Variants in ARHGAP39 observed in about 807,000 individuals in gnomAD.
The protein encoded by ARHGAP39 is rho GTPase-activating protein 39.
ARHGAP39 carries 44 observed loss-of-function variants against 106.9 expected under a neutral mutation model. The observed-to-expected ratio is 0.41, with a 90% CI of 0.32 to 0.53. The LOEUF (loss-of-function observed/expected upper bound fraction) is 0.53. Ranked by LOEUF, ARHGAP39 falls within the 20% of genes least tolerant of loss-of-function variation. The probability of loss-of-function intolerance (pLI) is 0.21; values close to 1 mark genes in which losing one functional copy is unlikely to be tolerated. For missense variants in ARHGAP39, 1,496 were observed against 1,577.3 expected, an observed-to-expected ratio of 0.95 and a Z score of 0.87; for synonymous variants, 768 against 693.2, an observed-to-expected ratio of 1.11 and a Z score of -1.69.
intron 1 of ARHGAP39, among the ~76,000 whole-genome samples, chr8:144,608,819 A>C (rs1173569397): frequency 2.6e-5 from 4 of 152,234 alleles, no homozygotes; most frequent in Admixed American, 1.3e-4. Context: ...AAGTCACCCT[A>C]AGCATTTCAT....
chr8:144,647,210 G>A lies in ARHGAP39; in HGVS notation c.-82+38476C>T, dbSNP rs972423042. Among the ~76,000 whole-genome samples the A allele has an allele frequency of 1.3e-5, 2 of 151,728 alleles. No individual in the cohort carries two copies. The highest frequency in any genetic ancestry group is 2.9e-5 in the Non-Finnish European group (2 of 67,938). ...TCTTGATCTCTTGACCTCATGATCC[G>A]CGTGCCTCAGCCTCCCAAACTGCTG... is the stretch of plus-strand genomic sequence containing the variant. On this transcript the variant is annotated intron_variant, in intron 1 of 11. Transcript: ENST00000377307. The surrounding 1 kb of genome is among the most constrained non-coding windows in gnomAD (Gnocchi z 4.8).
At position 144,591,173 on chromosome 8, in the gene ARHGAP39, G is replaced by A. The variant is rs557002175; in HGVS notation, c.81-9896C>T. Among the ~76,000 whole-genome samples the A allele has an allele frequency of 2.8e-4, 43 of 152,286 alleles. No individual in the cohort carries two copies. Among genetic ancestry groups the A allele is most frequent in the African/African-American group, 9.9e-4 (41 of 41,568 alleles). On this transcript the variant is annotated intron_variant, in intron 2 of 11. Transcript: ENST00000377307. The surrounding 1 kb of genome is among the most constrained non-coding windows in gnomAD (Gnocchi z 5.3). ...CCAGAGGCTCACGGTCCCCCAGCAG[G>A]TGCCTTCCCTGTCCATACACCTCCT... is the stretch of plus-strand genomic sequence containing the variant.
chr8:144,643,823 T>C (rs191746598), intron 1 of ARHGAP39, among the ~76,000 whole-genome samples: 5 of 152,292 alleles, frequency 3.3e-5, no homozygotes, highest in South Asian at 4.1e-4. Context: ...ATGGTGTATT[T>C]TGAAGCACAA....
intron 1 of ARHGAP39, among the ~76,000 whole-genome samples, chr8:144,643,755 C>CA (rs1236733281): frequency 2.6e-5 from 4 of 152,152 alleles, no homozygotes; most frequent in Non-Finnish European, 2.9e-5. Context: ...AGAAGAAAAA[C>CA]AAAGTACTGG....
chr8:144,651,492 C>T (rs1257072284), intron 1 of ARHGAP39, among the ~76,000 whole-genome samples: 4 of 152,080 alleles, frequency 2.6e-5, no homozygotes, highest in Admixed American at 6.6e-5. Context: ...CACCTGAGGT[C>T]GGGAGTTTGT....
At chr8:144,609,619 G>T (rs1183430323) in intron 1 of ARHGAP39, among the ~76,000 whole-genome samples, 1 of 151,970 alleles carries the variant, frequency 6.6e-6, no homozygotes, top group Non-Finnish European at 1.5e-5. Flanking sequence ...GGCCAGGCTG[G>T]TCTTGAATTC....
chr8:144,628,917 T>C (rs369470208), intron 1 of ARHGAP39, among the ~76,000 whole-genome samples: 1 of 152,194 alleles, frequency 6.6e-6, no homozygotes. Context: ...CAGCTTCGCA[T>C]TGCCGCACCC....
At chr8:144,650,480 G>C (rs1236980845) in intron 1 of ARHGAP39, among the ~76,000 whole-genome samples, 1 of 152,090 alleles carries the variant, frequency 6.6e-6, no homozygotes. Flanking sequence ...CAACATCCTT[G>C]ATGCACATTG....
At chr8:144,662,466 G>A (rs1821852142) in intron 1 of ARHGAP39, among the ~76,000 whole-genome samples, 2 of 141,168 alleles carry the variant, frequency 1.4e-5, no homozygotes, top group South Asian at 2.3e-4. Context: ...ATCCACCTTG[G>A]GTCACTCCTC....
intron 3 of ARHGAP39, among the ~76,000 whole-genome samples, chr8:144,559,492 A>G (rs1177262858): frequency 6.6e-6 from 1 of 152,192 alleles, no homozygotes; most frequent in African/African-American, 2.4e-5. Flanking sequence ...ACAGGGATTA[A>G]AATTTTTGTA....
At chr8:144,543,298 A>C (rs895741505) in intron 6 of ARHGAP39, among the ~76,000 whole-genome samples, 23 of 152,142 alleles carry the variant, frequency 1.5e-4, no homozygotes, top group African/African-American at 5.6e-4. Context: ...AGCAGCAGCC[A>C]GCACCTGCAT....
intron 3 of ARHGAP39, among the ~76,000 whole-genome samples, chr8:144,572,020 AG>A (rs1257497156): frequency 1.2e-4 from 19 of 152,258 alleles, no homozygotes; most frequent in African/African-American, 4.3e-4. Context: ...GCTCATGGAT[AG>A]GAAGAATCAA....
At chr8:144,532,560 G>T (rs1004395488) in intron 9 of ARHGAP39, among the ~76,000 whole-genome samples, 164 bp from the exon 10 acceptor site, 1 of 152,208 alleles carries the variant, frequency 6.6e-6, no homozygotes, top group East Asian at 1.9e-4. Flanking sequence ...ACGTGGGTGG[G>T]TGGCGCTCTT....
chr8:144,545,262 G>A lies in ARHGAP39; in HGVS notation c.2508C>T (p.Val836=), dbSNP rs1176404170. Residue 836 remains valine (V), a synonymous_variant, in exon 6 of 12, where the codon GTC becomes GTT. Transcript: ENST00000377307. ...GCATGGCCTTACCTTTAGTGTCATT[G>A]ACGGGGTCCATGTGCCGGTAGATGT... ...EGYIYRHMDP[V]NDTKVTQHIK... is the part of the protein sequence containing the mutation. 1.3e-6 allele frequency: 2 copies of A among 1,544,380 alleles called. No homozygotes were observed. The highest frequency in any genetic ancestry group is 1.9e-5 in the Admixed American group (1 of 53,144).
chr8:144,698,935 A>G, the ARHGAP39 span: 1 of 452,920 alleles, frequency 2.2e-6, no homozygotes, highest in East Asian at 7.0e-5. Context: ...GAGTGTTCAC[A>G]CCATCCCACG....
intron 2 of ARHGAP39, among the ~76,000 whole-genome samples, chr8:144,600,497 TGGG>T (rs1209896048): frequency 7.2e-6 from 1 of 138,796 alleles, no homozygotes; most frequent in African/African-American, 2.7e-5. Context: ...TGTGCACACT[TGGG>T]TACCTACCTG....
chr8:144,607,752 C>T (rs921445178), intron 1 of ARHGAP39, among the ~76,000 whole-genome samples: 2 of 152,368 alleles, frequency 1.3e-5, no homozygotes, highest in Admixed American at 6.5e-5. Flanking sequence ...ACACTCACGC[C>T]GCTCACAAGC....
At chr8:144,543,037 A>G (rs532019912) in intron 6 of ARHGAP39, among the ~76,000 whole-genome samples, 10 of 151,542 alleles carry the variant, frequency 6.6e-5, no homozygotes, top group Admixed American at 2.0e-4. Flanking sequence ...TGGTACGATC[A>G]TGACTCACTG....
chr8:144,603,007 G>T (rs1410674766), intron 2 of ARHGAP39, among the ~76,000 whole-genome samples: 1 of 143,228 alleles, frequency 7.0e-6, no homozygotes, highest in African/African-American at 2.8e-5. Flanking sequence ...GTGGAGGTGT[G>T]TGTGCGAGCT....
Sources: allele counts gnomAD v4.1 joint callset (sites outside exome capture counted in the v4.1 genomes callset), GRCh38; gene constraint gnomAD v4.1.1; non-coding constraint Gnocchi (gnomAD v3.1); transcripts MANE v1.5; gene names NCBI Gene and HGNC (gene_info 2026-07-23, HGNC 2026-07-21).